Variants in FRY observed in about 807,000 individuals in gnomAD.
The protein encoded by FRY is protein furry homolog.
Under a neutral mutation model 348.4 loss-of-function variants are expected in FRY, and 128 were observed. The ratio of observed to expected loss-of-function variants is 0.37; its 90% CI spans 0.32 to 0.43. The LOEUF is 0.43. FRY is among the 20% of genes least tolerant of loss of function. The pLI, the probability that FRY is intolerant of heterozygous loss-of-function variation, is 1.00. For missense variants in FRY, 2,736 were observed against 3,695.2 expected (o/e 0.74, Z 6.73); for synonymous variants, 1,370 against 1,374.7 (o/e 1.00, Z 0.08).
intron 1 of FRY, among the ~76,000 whole-genome samples, chr13:32,041,766 A>G (rs1353692376): frequency 2.0e-5 from 3 of 152,198 alleles, no homozygotes; most frequent in Non-Finnish European, 1.5e-5. Flanking sequence ...TAGGAAAATC[A>G]GAGATGTTTT....
Position 32,139,497 on chromosome 13 carries a change from C to T in FRY, c.1179+2525C>T, listed in dbSNP as rs192489377. Among the ~76,000 whole-genome samples, 141 of 152,240 alleles carry T rather than the reference C, an allele frequency of 9.3e-4. No individual in the cohort carries two copies. The East Asian group carries it at 0.014, about 15-fold the overall frequency. On this transcript the variant is annotated intron_variant, in intron 11 of 60. Transcript: ENST00000542859. ...TGTGGCAGAGCAGAGCAGAAGTGTG[C>T]GTGAGCGTGAAAACCTGCCCACTTT...
At chr13:32,179,574 G>T in intron 22 of FRY, 101 bp from the exon 23 acceptor site, 3 of 1,062,034 alleles carry the variant, frequency 2.8e-6, no homozygotes, top group Non-Finnish European at 4.3e-6. Context: ...CTTGGGATAT[G>T]GTTCAGTACT....
rs754009450 is a variant in FRY, at chr13:32,117,492, A to C, written c.464+19A>C. 2.9e-5 allele frequency: 46 copies of C among 1,610,684 alleles called. No individual in the cohort carries two copies. The highest frequency in any genetic ancestry group is 3.7e-5 in the Non-Finnish European group (44 of 1,177,172). On this transcript the variant is annotated intron_variant, in intron 4 of 60. Coordinates refer to ENST00000542859, the MANE Select transcript of FRY (RefSeq NM_023037.3). The stretch of plus-strand genomic sequence containing the variant: ...CAAAAAGGTACATTTCTTTTGTGTA[A>C]GGATCATGGTTTTATTTTGTTTTGT...
chr13:32,061,392 CT>C, intron 1 of FRY, among the ~76,000 whole-genome samples: 1 of 152,282 alleles, frequency 6.6e-6, no homozygotes, highest in South Asian at 2.1e-4. Context: ...GTATACGAGC[CT>C]GTGGAACAGG....
At chr13:32,085,226 C>T (rs1191161156) in intron 2 of FRY, among the ~76,000 whole-genome samples, 1 of 152,162 alleles carries the variant, frequency 6.6e-6, no homozygotes, top group African/African-American at 2.4e-5. Flanking sequence ...CACACTGACT[C>T]CAGCAACGGG....
intron 36 of FRY, among the ~76,000 whole-genome samples, chr13:32,222,691 A>G (rs1320917657): frequency 6.6e-6 from 1 of 152,204 alleles, no homozygotes; most frequent in Non-Finnish European, 1.5e-5. Context: ...AGCTCTCTGA[A>G]TATGTGGATG....
intron 20 of FRY, among the ~76,000 whole-genome samples, chr13:32,176,903 T>C (rs1474073793): frequency 6.6e-6 from 1 of 152,178 alleles, no homozygotes; most frequent in East Asian, 1.9e-4. Flanking sequence ...AGTCATAAAT[T>C]CAATACACAG....
intron 28 of FRY, among the ~76,000 whole-genome samples, chr13:32,192,662 C>T (rs1883415226): frequency 6.6e-6 from 1 of 151,856 alleles, no homozygotes; most frequent in Non-Finnish European, 1.5e-5. Flanking sequence ...CATGAAGAAG[C>T]CAGAATCTTG....
rs373259088 is a variant in FRY at position 32,078,961 on chromosome 13, C to T, written c.198C>T (p.Val66=). 2.5e-6 allele frequency: 4 copies of T among 1,613,676 alleles called. No individual in the cohort carries two copies. The African/African-American group carries it at 5.3e-5, about 22-fold the overall frequency. ...CAGACAGTAAACCAGGAGAATATGT[C>T]CTCAAAAGTTTATTTGTCAACTTCA... ...VDPDSKPGEY[V]LKSLFVNFTT... Residue 66 remains valine, a synonymous_variant, in exon 2 of 61, where the codon GTC becomes GTT. Coordinates refer to ENST00000542859, the MANE Select transcript of FRY (RefSeq NM_023037.3).
At position 32,295,138 on chromosome 13, in the gene FRY, C is replaced by T. The variant is rs778807215; in HGVS notation, c.8784-64C>T. ...AGTAATACTCTTATATTAATGAAGACTCATAAGCTCCCAACTTTGTGACTA... is the reference window on the plus strand; with the variant it reads ...AGTAATACTCTTATATTAATGAAGATTCATAAGCTCCCAACTTTGTGACTA... On this transcript the variant is annotated intron_variant, in intron 60 of 60. Coordinates refer to ENST00000542859, the MANE Select transcript of FRY (RefSeq NM_023037.3). 4 of 1,457,902 alleles carry T rather than the reference C, an allele frequency of 2.7e-6. No individual in the cohort carries two copies. The Admixed American group carries it at 5.0e-5, about 18-fold the overall frequency. 90.3% of individuals were successfully genotyped at this position (1,457,902 alleles called of 1,614,324 possible).
chr13:32,147,914 C>A lies in FRY; in HGVS notation c.1359C>A (p.Asn453Lys). Residue 453 changes from asparagine (N) to lysine (K), a missense_variant, in exon 13 of 61, where the codon AAC (asparagine) becomes AAA (lysine). Asn to Lys is a moderately conservative substitution (Grantham distance 94). This residue lies in a region of FRY where 191 missense variants were observed against 370.2 expected (regional missense o/e 0.52). Transcript: ENST00000542859. ...TGGTACCAAGGGACATGCCTCTGAA[C>A]ATCTTTGTGAAAATCATCCAGTTCA... ...RGVVPRDMPLNIFVKIIQFIA... is the reference protein window; with the variant it reads ...RGVVPRDMPLKIFVKIIQFIA... 2 of 1,607,278 alleles carry A rather than the reference C, an allele frequency of 1.2e-6. No homozygotes were observed. The highest frequency in any genetic ancestry group is 1.7e-6 in the Non-Finnish European group (2 of 1,173,706).
intron 50 of FRY, among the ~76,000 whole-genome samples, chr13:32,252,320 T>C (rs1392257441): frequency 6.6e-6 from 1 of 152,196 alleles, no homozygotes; most frequent in Non-Finnish European, 1.5e-5. Context: ...ATAATTTTAC[T>C]CTCTGTACAC....
chr13:32,268,630 T>C (rs1369473682), intron 55 of FRY, among the ~76,000 whole-genome samples: 1 of 150,652 alleles, frequency 6.6e-6, no homozygotes, highest in Non-Finnish European at 1.5e-5. Context: ...TAATGATATT[T>C]GGGGTGTTTT....
In FRY at chr13:32,239,379, A is replaced by T. The variant is rs375106840; in HGVS notation, c.6516+30A>T. 8 of 1,319,768 alleles carry T rather than the reference A, an allele frequency of 6.1e-6. No homozygotes were observed. The highest frequency in any genetic ancestry group is 1.8e-4 in the Middle Eastern group (1 of 5,494). The allele number at this position is 1,319,768 out of a possible 1,614,324, so 81.8% of individuals were successfully genotyped here. A position where few individuals can be genotyped will look rare whatever the true frequency, so the allele number is the denominator to read the frequency against. On this transcript the variant is annotated intron_variant, in intron 45 of 60. Coordinates refer to ENST00000542859, the MANE Select transcript of FRY (RefSeq NM_023037.3). This position sits in a 1 kb window ranked among gnomAD's most constrained non-coding sequence, Gnocchi z 4.3. Reference sequence around the variant, plus strand: ...GAGTTACAGTTCCACACTCAGGCAGATCCATAGAGGCCTTCAGGACGCCCT... The same window carrying T: ...GAGTTACAGTTCCACACTCAGGCAGTTCCATAGAGGCCTTCAGGACGCCCT...
chr13:32,242,717 T>C (rs1256148875), intron 46 of FRY, among the ~76,000 whole-genome samples: 4 of 152,148 alleles, frequency 2.6e-5, no homozygotes, highest in Non-Finnish European at 5.9e-5. Context: ...GTATTTTTAG[T>C]AGAGACTGGG....
chr13:32,241,954 G>A (rs948655967), intron 46 of FRY, among the ~76,000 whole-genome samples: 1 of 152,092 alleles, frequency 6.6e-6, no homozygotes, highest in African/African-American at 2.4e-5. Context: ...TTGTGTCACT[G>A]TGGTATTCCC....
intron 31 of FRY, 96 bp downstream of exon 31, chr13:32,202,623 T>C: frequency 8.9e-7 from 1 of 1,120,004 alleles, no homozygotes; most frequent in Non-Finnish European, 1.4e-6. Context: ...TTCTTTGCTC[T>C]AAGTAATTTT....
intron 58 of FRY, among the ~76,000 whole-genome samples, chr13:32,284,934 A>G (rs1888974563): frequency 6.6e-6 from 1 of 152,246 alleles, no homozygotes; most frequent in Admixed American, 6.5e-5. Flanking sequence ...GTCGATCAGC[A>G]GGAGTTCAAT....
chr13:32,109,741 T>C (rs1476102471), intron 3 of FRY, among the ~76,000 whole-genome samples: 2 of 152,154 alleles, frequency 1.3e-5, no homozygotes, highest in East Asian at 3.9e-4. Context: ...AAGAGAAGGC[T>C]GTAAATCCGT....
Sources: allele counts gnomAD v4.1 joint callset (sites outside exome capture counted in the v4.1 genomes callset), GRCh38; gene constraint gnomAD v4.1.1; regional missense constraint gnomAD v4.1.1; non-coding constraint Gnocchi (gnomAD v3.1); transcripts MANE v1.5; gene names NCBI Gene and HGNC (gene_info 2026-07-23, HGNC 2026-07-21).